CREBL2: variants seen among roughly 807,000 people sequenced by gnomAD.
CREBL2 encodes cAMP responsive element binding protein like 2.
CREBL2 carries 4 observed loss-of-function variants against 19.5 expected under a neutral mutation model. The observed-to-expected ratio is 0.20, with a 90% CI of 0.10 to 0.47. CREBL2 has a LOEUF of 0.47. Among genes scored for constraint, CREBL2 ranks in the 20% least tolerant of loss-of-function variants. CREBL2 has a pLI of 0.98. For synonymous variants in CREBL2, 42 were observed against 46.6 expected, an observed-to-expected ratio of 0.90 and a Z score of 0.40; for missense variants, 85 against 145.1, an observed-to-expected ratio of 0.59 and a Z score of 2.13.
intron 1 of CREBL2, among the ~76,000 whole-genome samples, chr12:12,618,233 A>T (rs531620178): frequency 2.0e-5 from 3 of 151,658 alleles, no homozygotes; most frequent in Admixed American, 6.6e-5. Context: ...CACTTCCCAG[A>T]CGGGGCGGCT....
Position 12,644,443 on chromosome 12 carries a change from G to A in CREBL2, c.*2445G>A, listed in dbSNP as rs774591067. 9 of 152,628 alleles carry A rather than the reference G, an allele frequency of 5.9e-5. No homozygotes were observed. The highest frequency in any genetic ancestry group is 2.2e-4 in the African/African-American group (9 of 41,542). 9.5% of individuals were successfully genotyped at this position (152,628 alleles called of 1,614,324 possible). A position where few individuals can be genotyped will look rare whatever the true frequency, so the allele number is the denominator to read the frequency against. ...TCCAGGAGAAGGTGCTGCTCTCCTT[G>A]CTTTCTGAGTAAACAGAGTAATGTT... On this transcript the variant is annotated 3_prime_UTR_variant, in exon 4 of 4. Coordinates refer to ENST00000228865, the MANE Select transcript of CREBL2 (RefSeq NM_001310.4).
Position 12,611,922 on chromosome 12 carries a change from A to G in CREBL2, c.-251A>G, listed in dbSNP as rs371028321. On this transcript the variant is annotated 5_prime_UTR_variant, in exon 1 of 4. An upstream start codon of the reference 5' UTR is lost. Coordinates refer to ENST00000228865, the MANE Select transcript of CREBL2 (RefSeq NM_001310.4). ...CGTCTGTAAACACCCAGAGACTGTC[A>G]TGGAGGGGGAGGAGGAGGCGGCGGC... The G allele has an allele frequency of 3.5e-6, 2 of 577,518 alleles. No individual in the cohort carries two copies. Among genetic ancestry groups the G allele is most frequent in the East Asian group, 3.0e-5 (1 of 33,570 alleles). The allele number at this position is 577,518 out of a possible 1,614,324, so 35.8% of individuals were successfully genotyped here.
chr12:12,624,033 G>C lies in CREBL2; in HGVS notation c.16-11744G>C, dbSNP rs149546375. Among the ~76,000 whole-genome samples, 209 of 152,298 alleles carry C rather than the reference G, an allele frequency of 1.4e-3. 1 individual carries two copies. Among genetic ancestry groups the C allele is most frequent in the African/African-American group, 4.9e-3 (203 of 41,566 alleles). On this transcript the variant is annotated intron_variant, in intron 1 of 3. Coordinates refer to ENST00000228865, the MANE Select transcript of CREBL2 (RefSeq NM_001310.4). ...CTCCAGAGGGAATGCAGCTCCACCA[G>C]ACTGCCCCAGTCTGGACTTCCAGAG...
At position 12,620,956 on chromosome 12, in the gene CREBL2, T is replaced by G. The variant is rs374007230; in HGVS notation, c.15+8769T>G. 9.8e-5 allele frequency among the ~76,000 whole-genome samples: 15 copies of G among 152,324 alleles called. No individual in the cohort carries two copies. In the South Asian group the frequency reaches 2.1e-3, roughly 21 times the overall value. ...GTGGGTGCTTAACTGTCGAGGAACG[T>G]CAGACATGGGTTTACAGAGTAGGAA... On this transcript the variant is annotated intron_variant, in intron 1 of 3. Coordinates refer to ENST00000228865, the MANE Select transcript of CREBL2 (RefSeq NM_001310.4).
intron 3 of CREBL2, among the ~76,000 whole-genome samples, chr12:12,640,489 G>A (rs576489073): frequency 1.2e-4 from 18 of 152,160 alleles, no homozygotes; most frequent in Middle Eastern, 3.4e-3. Context: ...TTTTCAAGGT[G>A]CACTGATTTC....
chr12:12,626,058 T>A (rs2136302657), intron 1 of CREBL2, among the ~76,000 whole-genome samples: 1 of 152,336 alleles, frequency 6.6e-6, no homozygotes, highest in East Asian at 1.9e-4. Context: ...GAGCGCTTTC[T>A]GACCACACAC....
intron 3 of CREBL2, among the ~76,000 whole-genome samples, chr12:12,639,646 G>GT (rs1286730661): frequency 6.6e-6 from 1 of 152,004 alleles, no homozygotes; most frequent in East Asian, 1.9e-4. Flanking sequence ...TGTTTTTGTT[G>GT]TTGAGTGGTA....
In CREBL2 at chr12:12,643,082, C is replaced by T. The variant is rs1435976488; in HGVS notation, c.*1084C>T. 6.5e-6 allele frequency: 1 copy of T among 152,672 alleles called. No homozygotes were observed. Among genetic ancestry groups the T allele is most frequent in the East Asian group, 1.9e-4 (1 of 5,206 alleles). The allele number at this position is 152,672 out of a possible 1,614,324, so 9.5% of individuals were successfully genotyped here. On this transcript the variant is annotated 3_prime_UTR_variant, in exon 4 of 4. Transcript: ENST00000228865. ...TCCCAGACATGAATTTCCTGACAGG[C>T]TCTGAGCCAGAAACACACTGTGGGC...
chr12:12,623,811 G>A (rs760347972), intron 1 of CREBL2, among the ~76,000 whole-genome samples: 5 of 152,198 alleles, frequency 3.3e-5, no homozygotes, highest in Non-Finnish European at 4.4e-5. Flanking sequence ...GAGAAGAGGA[G>A]CTTATCCTCC....
intron 1 of CREBL2, among the ~76,000 whole-genome samples, chr12:12,631,690 C>T (rs1158516851): frequency 3.3e-5 from 5 of 152,178 alleles, no homozygotes; most frequent in Non-Finnish European, 7.4e-5. Flanking sequence ...TCCTAATTAA[C>T]GCCCCCTATC....
chr12:12,628,700 C>T (rs189708243), intron 1 of CREBL2, among the ~76,000 whole-genome samples: 26 of 152,066 alleles, frequency 1.7e-4, no homozygotes, highest in Non-Finnish European at 3.4e-4. Flanking sequence ...CAGTCTTGAC[C>T]TCCTGGGCTC....
At position 12,637,734 on chromosome 12, in the gene CREBL2, G is replaced by T. The variant is rs1264240162; in HGVS notation, c.358+20G>T. 1 of 1,593,398 alleles carries T rather than the reference G, an allele frequency of 6.3e-7. No homozygotes were observed. The highest frequency in any genetic ancestry group is 1.4e-5 in the African/African-American group (1 of 74,008). ...ATTCCTGTAAGTGCCATCAATGGGA[G>T]AATTTATATTTAAGAGAGTGTCTCG... On this transcript the variant is annotated intron_variant, in intron 3 of 3. Transcript: ENST00000228865.
chr12:12,624,233 C>T (rs60184474), intron 1 of CREBL2, among the ~76,000 whole-genome samples: 1 of 152,144 alleles, frequency 6.6e-6, no homozygotes, highest in African/African-American at 2.4e-5. Context: ...TTTATTATTT[C>T]TATAATGATC....
intron 1 of CREBL2, among the ~76,000 whole-genome samples, chr12:12,622,009 A>G (rs1438336845): frequency 3.3e-5 from 5 of 152,226 alleles, no homozygotes; most frequent in Admixed American, 3.3e-4. Flanking sequence ...TTAGCATATG[A>G]CTGGAGTTCA....
chr12:12,618,922 C>G (rs1009648877), intron 1 of CREBL2, among the ~76,000 whole-genome samples: 4 of 152,154 alleles, frequency 2.6e-5, no homozygotes, highest in African/African-American at 7.2e-5. Flanking sequence ...ACCTGCAATC[C>G]CAGGCACTCG....
At chr12:12,630,941 T>G (rs1169323399) in intron 1 of CREBL2, among the ~76,000 whole-genome samples, 1 of 152,254 alleles carries the variant, frequency 6.6e-6, no homozygotes, top group Non-Finnish European at 1.5e-5. Context: ...CTTTTGTTTT[T>G]TAACTGTCAT....
intron 1 of CREBL2, among the ~76,000 whole-genome samples, chr12:12,626,799 G>T (rs1442454794): frequency 1.3e-5 from 2 of 151,728 alleles, no homozygotes; most frequent in Admixed American, 6.6e-5. Flanking sequence ...TACTTGGGAG[G>T]GTGAGGCAGG....
intron 3 of CREBL2, among the ~76,000 whole-genome samples, 180 bp downstream of exon 3, chr12:12,637,894 T>G (rs952431788): frequency 1.3e-5 from 2 of 150,782 alleles, no homozygotes; most frequent in African/African-American, 4.9e-5. Context: ...ATACAAAAAT[T>G]CGCTGGGCAT....
chr12:12,612,203 T>G lies in CREBL2; in HGVS notation c.15+16T>G. On this transcript the variant is annotated intron_variant, in intron 1 of 3. Transcript: ENST00000228865. ...TGACAGTAAGGTAAGTCTTGTGGTT[T>G]GCACGCGCCGCCGCCTTCTTGTCGC... is the stretch of plus-strand genomic sequence containing the variant. 2 of 1,613,550 alleles carry G rather than the reference T, an allele frequency of 1.2e-6. No individual in the cohort carries two copies. Among genetic ancestry groups the G allele is most frequent in the Non-Finnish European group, 1.7e-6 (2 of 1,179,998 alleles).
Sources: allele counts gnomAD v4.1 joint callset (sites outside exome capture counted in the v4.1 genomes callset), GRCh38; gene constraint gnomAD v4.1.1; transcripts MANE v1.5; gene names NCBI Gene and HGNC (gene_info 2026-07-23, HGNC 2026-07-21).